The following KIF15 variants were observed in gnomAD, a reference collection of about 807,000 sequenced individuals.
KIF15 encodes kinesin-like protein KIF15.
KIF15 carries 140 observed loss-of-function variants against 190.6 expected under a neutral mutation model. That is an observed-to-expected ratio of 0.73 (90% CI 0.64 to 0.84). The LOEUF is 0.84. KIF15 is among the 40% of genes least tolerant of loss of function. KIF15 has a pLI of 0.00. For synonymous variants in KIF15, 528 were observed against 551.3 expected, an observed-to-expected ratio of 0.96 and a Z score of 0.59; for missense variants, 1,372 against 1,584.4, an observed-to-expected ratio of 0.87 and a Z score of 2.28.
Position 44,861,922 on chromosome 3 carries a change from A to G in KIF15, c.*59+9128A>G, listed in dbSNP as rs970008387. ...GGTGCCAGGCACGGTGTCAGCAGGC[A>G]ACATGGCCGAGAGGCCGGGGCCTCC... On this transcript the variant is annotated intron_variant and NMD_transcript_variant, in intron 6 of 6. Transcript: ENST00000422209. 4 of 1,454,378 alleles carry G rather than the reference A, an allele frequency of 2.8e-6. No homozygotes were observed. In the African/African-American group the frequency reaches 6.0e-5, roughly 22 times the overall value. The allele number at this position is 1,454,378 out of a possible 1,614,324, so 90.1% of individuals were successfully genotyped here.
chr3:44,812,340 T>A, intron 18 of KIF15, 51 bp downstream of exon 18: 1 of 1,285,040 alleles, frequency 7.8e-7, no homozygotes, highest in South Asian at 1.2e-5. Context: ...CCTCAAATGT[T>A]ACCTTGAGGA....
Position 44,831,001 on chromosome 3 carries a change from C to T in KIF15, c.3154C>T (p.Leu1052Phe). 1 of 1,613,958 alleles carries T rather than the reference C, an allele frequency of 6.2e-7. No individual in the cohort carries two copies. The highest frequency in any genetic ancestry group is 8.5e-7 in the Non-Finnish European group (1 of 1,179,954). The stretch of plus-strand genomic sequence containing the variant: ...GAAAGAAACCCTTAGGCTGAGAATA[C>T]TTTCTGAGGACATAGAGGTAGGTAT... ...DLKETLRLRI[L>F]SEDIERDMLC... The change falls in exon 26 of 35, where the codon CTT becomes TTT. Residue 1052 changes from leucine (L) to phenylalanine (F), a missense_variant. By Grantham distance (22) the Leu-to-Phe change is conservative. Transcript: ENST00000326047.
intron 24 of KIF15, among the ~76,000 whole-genome samples, chr3:44,828,811 G>T (rs1195667862): frequency 4.6e-5 from 7 of 152,218 alleles, no homozygotes; most frequent in African/African-American, 1.7e-4. Context: ...GCCAAGGCAG[G>T]TGGATCACCT....
chr3:44,801,199 C>T lies in KIF15; in HGVS notation c.1223-251C>T, dbSNP rs1259934223. ...ATTTTTTTGTATTTTTAGTAGAGAT[C>T]GGGGGCGGCGGGAGGGGGGGGTCTC... On this transcript the variant is annotated intron_variant, in intron 11 of 34. Transcript: ENST00000326047. 9.1e-5 allele frequency among the ~76,000 whole-genome samples: 9 copies of T among 98,448 alleles called. No individual in the cohort carries two copies. In the East Asian group the frequency reaches 1.7e-3, roughly 18 times the overall value. The allele number at this position is 98,448 out of a possible 152,430, so 64.6% of individuals were successfully genotyped here. A position where few individuals can be genotyped will look rare whatever the true frequency, so the allele number is the denominator to read the frequency against.
intron 8 of KIF15, among the ~76,000 whole-genome samples, chr3:44,796,699 C>T (rs1434623890): frequency 6.6e-6 from 1 of 152,144 alleles, no homozygotes; most frequent in Non-Finnish European, 1.5e-5. Flanking sequence ...ATGCTACCTA[C>T]AGTAAAAATC....
chr3:44,806,119 G>T, intron 16 of KIF15, 133 bp downstream of exon 16: 1 of 960,476 alleles, frequency 1.0e-6, no homozygotes, highest in Admixed American at 2.9e-5. Context: ...GTGTCACACT[G>T]GTCTTTGGGT....
At chr3:44,813,498 AC>A (rs1309428522) in intron 19 of KIF15, among the ~76,000 whole-genome samples, 2 of 151,764 alleles carry the variant, frequency 1.3e-5, no homozygotes, top group East Asian at 3.9e-4. Context: ...GCTCACTGCA[AC>A]CTCCACCTCC....
intron 27 of KIF15, 66 bp from the exon 28 acceptor site, chr3:44,840,289 T>C (rs950818378): frequency 6.5e-6 from 6 of 922,476 alleles, no homozygotes; most frequent in Non-Finnish European, 8.3e-6. Flanking sequence ...GAAGTTTGTC[T>C]TTTCTATTTG....
Position 44,800,388 on chromosome 3 carries a change from G to A in KIF15, c.1173G>A (p.Leu391=). ...QAEVKRLKEQ[L]AELASGQTPP... ...AAGTGAAGAGGCTCAAAGAACAACT[G>A]GCGGAGCTTGCTTCAGGACAGACAC... is the stretch of plus-strand genomic sequence containing the variant. The change falls in exon 11 of 35, where the codon CTG becomes CTA. Residue 391 remains leucine (L), a synonymous_variant. Transcript: ENST00000326047. 6.2e-7 allele frequency: 1 copy of A among 1,614,156 alleles called. No individual in the cohort carries two copies. Among genetic ancestry groups the A allele is most frequent in the African/African-American group, 1.3e-5 (1 of 75,046 alleles).
At position 44,867,826 on chromosome 3, in the gene KIF15, T is replaced by C. The variant is rs561457374; in HGVS notation, c.*60-5503T>C. ...TTTCCTCATTTCAGAGGTTTATTGATAAGAATAAACTATATCAATACTATA... is the reference window on the plus strand; with the variant it reads ...TTTCCTCATTTCAGAGGTTTATTGACAAGAATAAACTATATCAATACTATA... On this transcript the variant is annotated intron_variant and NMD_transcript_variant, in intron 6 of 6. Transcript: ENST00000422209. 4.3e-3 allele frequency among the ~76,000 whole-genome samples: 658 copies of C among 152,366 alleles called. 3 individuals are homozygous for C. Among genetic ancestry groups the C allele is most frequent in the African/African-American group, 0.014 (586 of 41,584 alleles).
chr3:44,774,285 C>T (rs1471702835), intron 1 of KIF15, 110 bp from the exon 2 acceptor site: 1 of 857,224 alleles, frequency 1.2e-6, no homozygotes, highest in Non-Finnish European at 1.9e-6. Flanking sequence ...TTGTTAAAGT[C>T]AGGGATCTGA....
intron 5 of KIF15, among the ~76,000 whole-genome samples, chr3:44,784,341 T>G (rs1212703929): frequency 6.7e-6 from 1 of 150,284 alleles, no homozygotes; most frequent in East Asian, 1.9e-4. Context: ...CCCGGCTACT[T>G]TTTTTTTTGT....
chr3:44,790,695 CTTTTT>C (rs56414094), intron 7 of KIF15, among the ~76,000 whole-genome samples: 2 of 97,968 alleles, frequency 2.0e-5, no homozygotes, highest in Non-Finnish European at 1.9e-5. Context: ...TTTTCTGTTT[CTTTTT>C]TTTTTTTTTT....
At chr3:44,796,745 C>G (rs968766161) in intron 8 of KIF15, among the ~76,000 whole-genome samples, 1 of 152,098 alleles carries the variant, frequency 6.6e-6, no homozygotes, top group South Asian at 2.1e-4. Context: ...TTCCCCCCAC[C>G]AAGCTTCTGT....
chr3:44,812,052 T>C (rs1160149934), intron 17 of KIF15, 130 bp from the exon 18 acceptor site: 6 of 652,142 alleles, frequency 9.2e-6, no homozygotes, highest in Admixed American at 2.9e-5. Flanking sequence ...AGGCCTTTGA[T>C]ACCTTTGTTC....
intron 14 of KIF15, 40 bp from the exon 15 acceptor site, chr3:44,804,987 A>G (rs1375891753): frequency 2.8e-6 from 3 of 1,055,292 alleles, no homozygotes; most frequent in African/African-American, 1.8e-5. Flanking sequence ...CTGTCTCAGA[A>G]AAAAAAAAAA....
chr3:44,802,820 C>T lies in KIF15; in HGVS notation c.1516C>T (p.His506Tyr). The T allele has an allele frequency of 1.3e-6, 2 of 1,567,206 alleles. No individual in the cohort carries two copies. Among genetic ancestry groups the T allele is most frequent in the Non-Finnish European group, 1.7e-6 (2 of 1,164,098 alleles). The change falls in exon 14 of 35, where the codon CAC becomes TAC. Residue 506 changes from histidine (H) to tyrosine (Y), a missense_variant. His to Tyr is a moderately conservative substitution (Grantham distance 83). Coordinates refer to ENST00000326047, the MANE Select transcript of KIF15 (RefSeq NM_020242.3). ...EIQTLREQIE[H>Y]HPRVAKYAME... ...TAATTCTTCTATGTCACAGATAGAG[C>T]ACCACCCCAGAGTTGCAAAGTATGC... is the stretch of plus-strand genomic sequence containing the variant.
At chr3:44,785,232 G>C (rs2125916042) in intron 6 of KIF15, among the ~76,000 whole-genome samples, 1 of 152,314 alleles carries the variant, frequency 6.6e-6, no homozygotes, top group South Asian at 2.1e-4. Flanking sequence ...AAAAGATTTT[G>C]TAAGAGAGAA....
intron 20 of KIF15, among the ~76,000 whole-genome samples, chr3:44,816,576 T>A (rs2125668408): frequency 6.6e-6 from 1 of 152,358 alleles, no homozygotes; most frequent in East Asian, 1.9e-4. Flanking sequence ...GAACTCATCC[T>A]TTTTTATGGC....
Sources: allele counts gnomAD v4.1 joint callset (sites outside exome capture counted in the v4.1 genomes callset), GRCh38; gene constraint gnomAD v4.1.1; transcripts MANE v1.5; gene names NCBI Gene and HGNC (gene_info 2026-07-23, HGNC 2026-07-21).